Variants in MAN2A1 observed in about 807,000 individuals in gnomAD.
MAN2A1 encodes mannosidase alpha class 2A member 1, also known as alpha-mannosidase 2.
MAN2A1 carries 76 observed loss-of-function variants against 142.6 expected under a neutral mutation model. The observed-to-expected ratio is 0.53, with a 90% CI of 0.44 to 0.65. The LOEUF is 0.65. MAN2A1 is among the 30% of genes least tolerant of loss of function. The pLI, the probability that MAN2A1 is intolerant of heterozygous loss-of-function variation, is 0.00. For synonymous variants in MAN2A1, 559 were observed against 473.2 expected, an observed-to-expected ratio of 1.18 and a Z score of -2.35; for missense variants, 1,311 against 1,365.1, an observed-to-expected ratio of 0.96 and a Z score of 0.62.
At chr5:109,697,023 G>C (rs928131976) in intron 1 of MAN2A1, among the ~76,000 whole-genome samples, 2 of 152,158 alleles carry the variant, frequency 1.3e-5, no homozygotes, top group Non-Finnish European at 2.9e-5. Flanking sequence ...TTGGACGTGT[G>C]TATTCTGAGA....
intron 1 of MAN2A1, among the ~76,000 whole-genome samples, chr5:109,702,549 G>A (rs1751018212): frequency 1.3e-5 from 2 of 152,130 alleles, no homozygotes; most frequent in African/African-American, 4.8e-5. Flanking sequence ...GCTGGTAGGT[G>A]ACCCCATGAA....
chr5:109,741,384 G>A (rs1752262996), intron 4 of MAN2A1, among the ~76,000 whole-genome samples: 2 of 152,128 alleles, frequency 1.3e-5, no homozygotes, highest in African/African-American at 4.8e-5. Context: ...TTAAATGTAT[G>A]TTTTTGGAGG....
chr5:109,866,762 A>G, intron 21 of MAN2A1, 84 bp from the exon 22 acceptor site: 2 of 854,940 alleles, frequency 2.3e-6, no homozygotes, highest in Non-Finnish European at 1.8e-6. Flanking sequence ...ATTCCTTCTC[A>G]TACTAATTTT....
intron 16 of MAN2A1, among the ~76,000 whole-genome samples, chr5:109,833,667 A>T (rs1490428975): frequency 1.2e-5 from 1 of 80,266 alleles, no homozygotes; most frequent in Non-Finnish European, 2.4e-5. Context: ...GTGGAGAGAG[A>T]GGGAGAGGGA....
At position 109,774,968 on chromosome 5, in the gene MAN2A1, A is replaced by T. The variant is rs752895309; in HGVS notation, c.1374+3A>T. The T allele has an allele frequency of 6.4e-7, 1 of 1,574,204 alleles. No individual in the cohort carries two copies. The highest frequency in any genetic ancestry group is 1.8e-5 in the Admixed American group (1 of 56,032). ...CTCAGTCCAAGTTTAAAGTTAAGGT[A>T]AGGAGAAAATATTTATGATTCCGTA... On this transcript the variant is annotated splice_donor_region_variant and intron_variant, in intron 8 of 21. Coordinates refer to ENST00000261483, the MANE Select transcript of MAN2A1 (RefSeq NM_002372.4).
chr5:109,729,354 C>G lies in MAN2A1; in HGVS notation c.548C>G (p.Thr183Ser). 1 of 1,600,976 alleles carries G rather than the reference C, an allele frequency of 6.2e-7. No individual in the cohort carries two copies. The change falls in exon 4 of 22, where the codon ACT (threonine) becomes AGT (serine). Residue 183 changes from threonine (T) to serine (S), a missense_variant. By Grantham distance (58) the Thr-to-Ser change is moderately conservative (BLOSUM62 1). Around this residue, in one of 3 missense-constraint regions of MAN2A1, gnomAD observed 409 missense variants for 412.7 expected, o/e 0.99. Transcript: ENST00000261483. ...HSHNDPGWLK[T>S]FNDYFRDKTQ... The stretch of plus-strand genomic sequence containing the variant: ...TGTCTTGATTTAGGTTGGTTGAAGA[C>G]TTTCAATGACTACTTTAGAGACAAG...
chr5:109,763,195 G>T (rs917103274), intron 5 of MAN2A1, among the ~76,000 whole-genome samples: 1 of 152,130 alleles, frequency 6.6e-6, no homozygotes, highest in African/African-American at 2.4e-5. Flanking sequence ...ACTGTATTCT[G>T]GTTTGATGTG....
rs145989678 is a variant in MAN2A1 at position 109,708,509 on chromosome 5, GACACACACACACAC to G, written c.136-4987_136-4974del. Among the ~76,000 whole-genome samples the G allele has an allele frequency of 1.5e-4, 19 of 124,606 alleles. No individual in the cohort carries two copies. In the South Asian group the frequency reaches 5.0e-3, roughly 33 times the overall value. 81.7% of individuals were successfully genotyped at this position (124,606 alleles called of 152,430 possible). A position where few individuals can be genotyped will look rare whatever the true frequency, so the allele number is the denominator to read the frequency against. ...TTCTCCAGAAAGACAGAACTGATAGGACACACACACACACACACACACACACACACACACACATG... is the reference window on the plus strand; with the variant it reads ...TTCTCCAGAAAGACAGAACTGATAGGACACACACACACACACACACACATG... On this transcript the variant is annotated intron_variant, in intron 1 of 21. Coordinates refer to ENST00000261483, the MANE Select transcript of MAN2A1 (RefSeq NM_002372.4).
intron 19 of MAN2A1, among the ~76,000 whole-genome samples, chr5:109,852,581 T>C (rs1479424110): frequency 6.6e-6 from 1 of 152,170 alleles, no homozygotes; most frequent in Non-Finnish European, 1.5e-5. Flanking sequence ...AGCTGTACTT[T>C]GTGTGGTTTG....
intron 18 of MAN2A1, among the ~76,000 whole-genome samples, chr5:109,846,410 A>G (rs115904513): frequency 3.0e-4 from 46 of 152,312 alleles, no homozygotes; most frequent in African/African-American, 1.0e-3. Context: ...TTTCTGAATC[A>G]TGGTCTTTCT....
chr5:109,755,546 A>G (rs993995323), intron 5 of MAN2A1, 90 bp downstream of exon 5: 9 of 965,466 alleles, frequency 9.3e-6, no homozygotes, highest in African/African-American at 1.6e-5. Flanking sequence ...TCGAGTAACT[A>G]TTTTCCCTGT....
chr5:109,805,826 T>G (rs2161123), intron 12 of MAN2A1, among the ~76,000 whole-genome samples: 26,295 of 152,240 alleles, frequency 0.17, 3,236 homozygotes, highest in East Asian at 0.64. Context: ...AAGAGACTAC[T>G]GTGGACAATA....
intron 15 of MAN2A1, among the ~76,000 whole-genome samples, chr5:109,822,504 A>G (rs1167757270): frequency 6.6e-6 from 1 of 152,132 alleles, no homozygotes; most frequent in African/African-American, 2.4e-5. Flanking sequence ...AGTGCATCAG[A>G]AAAAGGCAAG....
rs768247156 is a variant in MAN2A1 at position 109,774,771 on chromosome 5, GTTTGTTT to G, written c.1197-13_1197-7del. 3.8e-6 allele frequency: 6 copies of G among 1,579,726 alleles called. No homozygotes were observed. In the African/African-American group the frequency reaches 6.9e-5, roughly 18 times the overall value. On this transcript the variant is annotated splice_polypyrimidine_tract_variant and intron_variant, in intron 7 of 21. Coordinates refer to ENST00000261483, the MANE Select transcript of MAN2A1 (RefSeq NM_002372.4). The stretch of plus-strand genomic sequence containing the variant: ...AAATTCATATTTGCTGTTTTTTTGT[GTTTGTTT>G]TTTTTGTAGGGCTCGGATGCTACTA...
At chr5:109,853,506 A>C (rs1755534214) in intron 19 of MAN2A1, 1 of 152,230 alleles carries the variant, frequency 6.6e-6, no homozygotes, top group Non-Finnish European at 1.5e-5. Context: ...AAGATTAATC[A>C]GGAAGTGTTC....
At chr5:109,759,947 CTATA>C (rs141976116) in intron 5 of MAN2A1, among the ~76,000 whole-genome samples, 2,769 of 104,212 alleles carry the variant, frequency 0.027, 58 homozygotes, top group Middle Eastern at 0.045. Context: ...TGAATTGTTG[CTATA>C]TATATATATA....
At chr5:109,796,993 G>A (rs79176554) in intron 12 of MAN2A1, among the ~76,000 whole-genome samples, 2,853 of 152,312 alleles carry the variant, frequency 0.019, 36 homozygotes, top group Middle Eastern at 0.071. Flanking sequence ...CACACAGTAG[G>A]TGTTCAACAA....
At chr5:109,829,717 C>T (rs919370750) in intron 16 of MAN2A1, among the ~76,000 whole-genome samples, 1 of 152,192 alleles carries the variant, frequency 6.6e-6, no homozygotes, top group African/African-American at 2.4e-5. Flanking sequence ...CTCTTGTCTG[C>T]AGCTGATCTG....
chr5:109,819,650 C>A lies in MAN2A1; in HGVS notation c.2110-19C>A. ...GATAACATTTATCTTTAATAAATTC[C>A]CTTCCCTATCTTTTAAAGATCTCTT... On this transcript the variant is annotated intron_variant, in intron 13 of 21. Transcript: ENST00000261483. The A allele has an allele frequency of 7.0e-7, 1 of 1,422,292 alleles. No homozygotes were observed. Among genetic ancestry groups the A allele is most frequent in the Non-Finnish European group, 9.6e-7 (1 of 1,045,048 alleles). The allele number at this position is 1,422,292 out of a possible 1,614,324, so 88.1% of individuals were successfully genotyped here.
Sources: gnomAD v4.1 joint callset for allele counts (sites outside exome capture counted in the v4.1 genomes callset) on GRCh38, gnomAD v4.1.1 for gene constraint, gnomAD v4.1.1 regional missense constraint, MANE v1.5 for transcripts, NCBI Gene and HGNC (gene_info 2026-07-23, HGNC 2026-07-21) for gene names.